The following EXOC4 variants were observed in gnomAD, a reference collection of about 807,000 sequenced individuals.
EXOC4 encodes exocyst complex component 4, also known as SEC8-like 1.
In EXOC4, 71 loss-of-function variants were observed where a neutral mutation model predicts 107.2. The ratio of observed to expected loss-of-function variants is 0.66; its 90% CI spans 0.55 to 0.81. EXOC4 has a LOEUF of 0.81. Among genes scored for constraint, EXOC4 ranks in the 30% least tolerant of loss-of-function variants. The pLI, the probability that EXOC4 is intolerant of heterozygous loss-of-function variation, is 0.00. For synonymous variants in EXOC4, 456 were observed against 441.2 expected, an observed-to-expected ratio of 1.03 and a Z score of -0.42; for missense variants, 1,108 against 1,189.6, an observed-to-expected ratio of 0.93 and a Z score of 1.01.
chr7:133,900,261 A>G (rs1018969940), intron 12 of EXOC4, among the ~76,000 whole-genome samples: 2 of 152,226 alleles, frequency 1.3e-5, no homozygotes, highest in Non-Finnish European at 1.5e-5. Context: ...AATAGAAAGC[A>G]TGTATCCACA....
intron 12 of EXOC4, among the ~76,000 whole-genome samples, chr7:133,913,629 A>C (rs2116617059): frequency 6.6e-6 from 1 of 152,304 alleles, no homozygotes; most frequent in East Asian, 1.9e-4. Flanking sequence ...TTAGATGCTC[A>C]GTGGTAGAGA....
intron 11 of EXOC4, among the ~76,000 whole-genome samples, chr7:133,883,878 G>C (rs991396330): frequency 6.6e-6 from 1 of 152,156 alleles, no homozygotes; most frequent in East Asian, 1.9e-4. Flanking sequence ...ATTCATAACA[G>C]TTTAAACATC....
At chr7:133,638,868 A>G (rs1350150352) in intron 10 of EXOC4, among the ~76,000 whole-genome samples, 1 of 151,142 alleles carries the variant, frequency 6.6e-6, no homozygotes, top group Non-Finnish European at 1.5e-5. Flanking sequence ...TCGTCTCTTT[A>G]TCAATTATTT....
At chr7:133,583,772 G>A (rs1476701718) in intron 9 of EXOC4, among the ~76,000 whole-genome samples, 1 of 152,192 alleles carries the variant, frequency 6.6e-6, no homozygotes, top group Non-Finnish European at 1.5e-5. Context: ...CCTGAAGGCA[G>A]AGATAGACTG....
chr7:133,529,706 A>G (rs1223633122), intron 9 of EXOC4, among the ~76,000 whole-genome samples: 3 of 152,118 alleles, frequency 2.0e-5, no homozygotes, highest in Non-Finnish European at 4.4e-5. Context: ...TTCATTTTTT[A>G]TGTGGCATCG....
intron 7 of EXOC4, among the ~76,000 whole-genome samples, chr7:133,434,295 G>A (rs919407980): frequency 6.6e-6 from 1 of 151,898 alleles, no homozygotes; most frequent in Non-Finnish European, 1.5e-5. Flanking sequence ...TACATGGGGG[G>A]GAAAAAGAAG....
At chr7:133,480,614 T>G (rs1054098403) in intron 9 of EXOC4, 1 of 188,984 alleles carries the variant, frequency 5.3e-6, no homozygotes, top group African/African-American at 2.4e-5. Flanking sequence ...GAACAGGCTA[T>G]TTGATACCCA....
chr7:133,626,706 A>G (rs574538288), intron 9 of EXOC4, among the ~76,000 whole-genome samples: 24 of 152,272 alleles, frequency 1.6e-4, no homozygotes, highest in South Asian at 4.1e-4. Flanking sequence ...CTAATCTCAT[A>G]CCCTGTCAAT....
chr7:133,454,686 T>G (rs1038989040), intron 7 of EXOC4, among the ~76,000 whole-genome samples: 3 of 152,204 alleles, frequency 2.0e-5, no homozygotes, highest in African/African-American at 7.2e-5. Flanking sequence ...TAATAGAACT[T>G]ATTTCTAAGA....
chr7:133,870,566 C>T (rs563135062), intron 11 of EXOC4, among the ~76,000 whole-genome samples: 6 of 152,322 alleles, frequency 3.9e-5, no homozygotes, highest in African/African-American at 9.6e-5. Flanking sequence ...TATTGTGGCT[C>T]ATCTAAAGAG....
At chr7:133,727,811 A>G (rs1377488693) in intron 10 of EXOC4, 3 of 152,278 alleles carry the variant, frequency 2.0e-5, no homozygotes, top group African/African-American at 7.2e-5. Context: ...GAAAAGTTAT[A>G]ACAAGATTAC....
intron 14 of EXOC4, among the ~76,000 whole-genome samples, chr7:133,995,178 AT>A (rs1794358442): frequency 1.3e-5 from 2 of 152,328 alleles, no homozygotes; most frequent in South Asian, 4.1e-4. Flanking sequence ...CAACTTAGAT[AT>A]TTTTTTAATT....
At chr7:133,934,656 C>T (rs745495836) in intron 13 of EXOC4, among the ~76,000 whole-genome samples, 1 of 152,108 alleles carries the variant, frequency 6.6e-6, no homozygotes, top group Non-Finnish European at 1.5e-5. Context: ...AAAATGGCTC[C>T]AAGCCTGGTT....
At chr7:133,427,968 G>A (rs975743044) in intron 7 of EXOC4, among the ~76,000 whole-genome samples, 10 of 152,184 alleles carry the variant, frequency 6.6e-5, no homozygotes, top group Admixed American at 3.3e-4. Context: ...ACTACCTTGT[G>A]TTTGCAAATT....
intron 5 of EXOC4, among the ~76,000 whole-genome samples, chr7:133,334,338 G>A (rs967144829): frequency 2.0e-5 from 3 of 152,156 alleles, no homozygotes; most frequent in Non-Finnish European, 4.4e-5. Flanking sequence ...GCAAAAGCAA[G>A]GAGTTAAATA....
chr7:133,399,532 T>C (rs977891269), intron 7 of EXOC4, among the ~76,000 whole-genome samples: 4 of 152,250 alleles, frequency 2.6e-5, no homozygotes, highest in African/African-American at 9.6e-5. Context: ...CATGCTCAGA[T>C]GTTGCTTCCA....
intron 14 of EXOC4, among the ~76,000 whole-genome samples, chr7:133,969,667 G>A (rs934729159): frequency 3.9e-5 from 6 of 152,204 alleles, no homozygotes; most frequent in Non-Finnish European, 8.8e-5. Context: ...CACCAGCGGA[G>A]GCTGCAGAAC....
chr7:133,333,942 G>A (rs1795451008), intron 5 of EXOC4, among the ~76,000 whole-genome samples: 1 of 152,208 alleles, frequency 6.6e-6, no homozygotes, highest in Non-Finnish European at 1.5e-5. Context: ...CAATGTTTGT[G>A]TGCAGTTCAA....
At chr7:133,488,990 A>T (rs2150871994) in intron 9 of EXOC4, among the ~76,000 whole-genome samples, 1 of 134,034 alleles carries the variant, frequency 7.5e-6, no homozygotes, top group African/African-American at 2.7e-5. Flanking sequence ...TGTAAACTTA[A>T]TATGTAATAT....
Sources: allele counts gnomAD v4.1 joint callset (sites outside exome capture counted in the v4.1 genomes callset), GRCh38; gene constraint gnomAD v4.1.1; transcripts MANE v1.5; gene names NCBI Gene and HGNC (gene_info 2026-07-23, HGNC 2026-07-21).